The following XXYLT1 variants were observed in gnomAD, a reference collection of about 807,000 sequenced individuals.
XXYLT1 encodes the protein UDP-xylose:alpha-xyloside alpha-1,3-xylosyltransferase.
XXYLT1 carries 20 observed loss-of-function variants against 28.9 expected under a neutral mutation model. That is an observed-to-expected ratio of 0.69 (90% CI 0.49 to 1.00). The LOEUF is 1.00. Ranked by LOEUF, XXYLT1 falls within the 50% of genes least tolerant of loss-of-function variation. The pLI is 0.00. For synonymous variants in XXYLT1, 257 were observed against 253.8 expected, an observed-to-expected ratio of 1.01 and a Z score of -0.12; for missense variants, 542 against 560.1, an observed-to-expected ratio of 0.97 and a Z score of 0.33.
At position 195,078,809 on chromosome 3, in the gene XXYLT1, C is replaced by T. The variant is rs893110847; in HGVS notation, c.786-8698G>A. Among the ~76,000 whole-genome samples, 20 of 149,786 alleles carry T rather than the reference C, an allele frequency of 1.3e-4. No individual in the cohort carries two copies. The highest frequency in any genetic ancestry group is 2.4e-4 in the Non-Finnish European group (16 of 67,292). ...ATCCGGCTGGCAGCTCCTTGCTCGC[C>T]GCCTGGGATCCCCTTCCTCTCTGCT... On this transcript the variant is annotated intron_variant, in intron 3 of 3. Transcript: ENST00000310380. The surrounding 1 kb of genome is among the most constrained non-coding windows in gnomAD (Gnocchi z 5.0).
At chr3:195,205,234 T>G (rs573653355) in intron 2 of XXYLT1, among the ~76,000 whole-genome samples, 1 of 152,372 alleles carries the variant, frequency 6.6e-6, no homozygotes, top group African/African-American at 2.4e-5. Context: ...AAATGCAGCT[T>G]TATGCATACT....
In XXYLT1 at chr3:195,242,531, C is replaced by T. The variant is rs116773234; in HGVS notation, c.505-15675G>A. ...TTTAAGGAGCGAAAAGTTTAATAGG[C>T]AAGAAAGAAGGAAGAAAGAAGGGAA... On this transcript the variant is annotated intron_variant, in intron 1 of 3. Transcript: ENST00000310380. 7.7e-3 allele frequency among the ~76,000 whole-genome samples: 1,176 copies of T among 152,072 alleles called. 7 individuals carry two copies. The highest frequency in any genetic ancestry group is 0.011 in the Non-Finnish European group (771 of 68,012).
intron 3 of XXYLT1, among the ~76,000 whole-genome samples, chr3:195,138,311 G>A (rs1032015271): frequency 9.8e-5 from 15 of 152,286 alleles, no homozygotes; most frequent in Non-Finnish European, 1.9e-4. Flanking sequence ...AATGGTTTCC[G>A]TGCCAGGCCC....
Position 195,162,994 on chromosome 3 carries a change from G to GT in XXYLT1, c.653-6414dup, listed in dbSNP as rs928239733. 6.9e-3 allele frequency among the ~76,000 whole-genome samples: 1,047 copies of GT among 151,198 alleles called. 6 individuals are homozygous for GT. Among genetic ancestry groups the GT allele is most frequent in the African/African-American group, 0.023 (960 of 41,162 alleles). On this transcript the variant is annotated intron_variant, in intron 2 of 3. Coordinates refer to ENST00000310380, the MANE Select transcript of XXYLT1 (RefSeq NM_152531.5). ...CTCTCGTGTCTGCTATAAGTTTTTGGTTTTTTTTTGTCTCTAAAAGCTTAA... is the reference window on the plus strand; with the variant it reads ...CTCTCGTGTCTGCTATAAGTTTTTGGTTTTTTTTTTGTCTCTAAAAGCTTAA...
chr3:195,257,060 A>G lies in XXYLT1; in HGVS notation c.504+13495T>C, dbSNP rs1253007508. Among the ~76,000 whole-genome samples, 1 of 152,238 alleles carries G rather than the reference A, an allele frequency of 6.6e-6. No homozygotes were observed. Among genetic ancestry groups the G allele is most frequent in the Non-Finnish European group, 1.5e-5 (1 of 68,044 alleles). On this transcript the variant is annotated intron_variant, in intron 1 of 3. Transcript: ENST00000310380. The surrounding 1 kb of genome is among the most constrained non-coding windows in gnomAD (Gnocchi z 4.3). ...GTCAGGCTGGATGACTTTCTGCAGG[A>G]GAACCCGTGACAAGAGGGACCGGGA...
At chr3:195,238,170 T>C (rs565848680) in intron 1 of XXYLT1, among the ~76,000 whole-genome samples, 2 of 152,298 alleles carry the variant, frequency 1.3e-5, no homozygotes, top group South Asian at 4.1e-4. Flanking sequence ...CTCGTGTGAC[T>C]GGGCAGCACT....
chr3:195,156,990 A>T (rs1386677394), intron 2 of XXYLT1, among the ~76,000 whole-genome samples: 1 of 152,126 alleles, frequency 6.6e-6, no homozygotes, highest in Non-Finnish European at 1.5e-5. Context: ...CACATCTGTA[A>T]TCCCAGCATT....
chr3:195,107,351 G>A (rs959142985), intron 3 of XXYLT1, among the ~76,000 whole-genome samples: 5 of 150,122 alleles, frequency 3.3e-5, no homozygotes, highest in Admixed American at 1.3e-4. Context: ...GCGGGCACCT[G>A]TAATCCCAGC....
intron 1 of XXYLT1, among the ~76,000 whole-genome samples, chr3:195,237,881 G>C (rs1227875276): frequency 6.6e-6 from 1 of 151,960 alleles, no homozygotes; most frequent in East Asian, 1.9e-4. Context: ...TTTTCCAACA[G>C]AAATCTCAAA....
chr3:195,189,167 A>C (rs56386553), intron 2 of XXYLT1, among the ~76,000 whole-genome samples: 4,169 of 152,346 alleles, frequency 0.027, 172 homozygotes, highest in African/African-American at 0.094. Flanking sequence ...TTGCCCACTA[A>C]GCTACACAGA....
intron 2 of XXYLT1, among the ~76,000 whole-genome samples, chr3:195,219,282 A>G (rs895188280): frequency 6.6e-6 from 1 of 152,174 alleles, no homozygotes; most frequent in African/African-American, 2.4e-5. Context: ...AACCTGCACA[A>G]TGTGCACATG....
chr3:195,194,395 G>A (rs767854673), intron 2 of XXYLT1, among the ~76,000 whole-genome samples: 2 of 152,140 alleles, frequency 1.3e-5, no homozygotes, highest in Admixed American at 1.3e-4. Context: ...CAGAATGGCT[G>A]TAGTAAGAAG....
At chr3:195,247,465 G>C (rs1340176270) in intron 1 of XXYLT1, among the ~76,000 whole-genome samples, 1 of 152,242 alleles carries the variant, frequency 6.6e-6, no homozygotes, top group Non-Finnish European at 1.5e-5. Flanking sequence ...AGGTGGCCTG[G>C]GCCGGGAGGC....
chr3:195,119,287 CAAAAA>C (rs11328657), intron 3 of XXYLT1, among the ~76,000 whole-genome samples: 4,560 of 109,660 alleles, frequency 0.042, 117 homozygotes, highest in East Asian at 0.18. Context: ...CCATCTCAAA[CAAAAA>C]AAAAAAAAAA....
At chr3:195,194,651 T>C (rs1190035506) in intron 2 of XXYLT1, among the ~76,000 whole-genome samples, 1 of 152,020 alleles carries the variant, frequency 6.6e-6, no homozygotes, top group Non-Finnish European at 1.5e-5. Context: ...GTGAAACCGG[T>C]CCAAACGTCC....
intron 2 of XXYLT1, among the ~76,000 whole-genome samples, chr3:195,190,445 A>C (rs1722369331): frequency 7.4e-6 from 1 of 135,768 alleles, no homozygotes; most frequent in Non-Finnish European, 1.5e-5. Flanking sequence ...CAGTGAGCCG[A>C]GTTATGCTGC....
intron 3 of XXYLT1, 92 bp from the exon 4 acceptor site, chr3:195,070,203 A>G: frequency 6.9e-7 from 1 of 1,455,078 alleles, no homozygotes; most frequent in South Asian, 1.4e-5. Flanking sequence ...CCTGCATGCA[A>G]ACACTGCCAC....
chr3:195,178,144 A>G (rs768123649), intron 2 of XXYLT1, among the ~76,000 whole-genome samples: 2 of 150,938 alleles, frequency 1.3e-5, no homozygotes, highest in Non-Finnish European at 2.9e-5. Flanking sequence ...TTAACTGCTG[A>G]CAGCTTTTTT....
rs1721643022 is a variant in XXYLT1 at position 195,175,901 on chromosome 3, A to G, written c.653-19320T>C. On this transcript the variant is annotated intron_variant, in intron 2 of 3. Transcript: ENST00000310380. The stretch of plus-strand genomic sequence containing the variant: ...GTGACATTTGTGTGGGAAAGAAAAA[A>G]AAAAATTATGTATGAAGTCACAGAA... 2.8e-6 allele frequency: 4 copies of G among 1,412,586 alleles called. No individual in the cohort carries two copies. In the Admixed American group the frequency reaches 1.2e-4, roughly 43 times the overall value. 87.5% of individuals were successfully genotyped at this position (1,412,586 alleles called of 1,614,324 possible).
Sources: allele counts gnomAD v4.1 joint callset (sites outside exome capture counted in the v4.1 genomes callset), GRCh38; gene constraint gnomAD v4.1.1; non-coding constraint Gnocchi (gnomAD v3.1); transcripts MANE v1.5; gene names NCBI Gene and HGNC (gene_info 2026-07-23, HGNC 2026-07-21).